The following DYRK1A variants were observed in gnomAD, a reference collection of about 807,000 sequenced individuals.
DYRK1A encodes dual specificity tyrosine-phosphorylation-regulated kinase 1A.
In DYRK1A, 9 loss-of-function variants were observed where a neutral mutation model predicts 79.7. The ratio of observed to expected loss-of-function variants is 0.11; its 90% CI spans 0.07 to 0.20. The LOEUF (loss-of-function observed/expected upper bound fraction) is 0.20, where lower values mean the gene tolerates loss of function less well. Ranked by LOEUF, DYRK1A falls within the 10% of genes least tolerant of loss-of-function variation. The pLI, the probability that DYRK1A is intolerant of heterozygous loss-of-function variation, is 1.00. For synonymous variants in DYRK1A, 349 were observed against 329.7 expected (o/e 1.06, Z -0.63); for missense variants, 622 against 956.0 (o/e 0.65, Z 4.61).
intron 2 of DYRK1A, among the ~76,000 whole-genome samples, chr21:37,439,920 A>ATT (rs1458831214): frequency 6.6e-6 from 1 of 152,004 alleles, no homozygotes; most frequent in African/African-American, 2.4e-5. Context: ...TGTTAAACTG[A>ATT]TAATAGTGTT....
At chr21:37,410,126 C>CT (rs2050216617) in intron 1 of DYRK1A, among the ~76,000 whole-genome samples, 1 of 152,138 alleles carries the variant, frequency 6.6e-6, no homozygotes, top group Non-Finnish European at 1.5e-5. Flanking sequence ...CTTAAATAGA[C>CT]TGTGTACGGC....
intron 1 of DYRK1A, chr21:37,367,906 C>T (rs1044340741): frequency 1.2e-4 from 18 of 154,644 alleles, no homozygotes; most frequent in South Asian, 9.9e-4. Flanking sequence ...AGCGCCAGAC[C>T]TTCACTGGCC....
upstream of DYRK1A, among the ~76,000 whole-genome samples, chr21:37,366,563 C>T (rs564040235): frequency 7.9e-4 from 119 of 151,388 alleles, 1 homozygote; most frequent in Middle Eastern, 6.8e-3. Flanking sequence ...CTCTGACACT[C>T]GTAGCGGACC....
At chr21:37,504,858 A>C (rs1343289822) in intron 9 of DYRK1A, 1 of 159,010 alleles carries the variant, frequency 6.3e-6, no homozygotes, top group East Asian at 1.9e-4. Context: ...GGTAGGAAAG[A>C]GGCTCCCAGC....
chr21:37,471,545 CTGAGTA>C (rs2052224531), intron 2 of DYRK1A, among the ~76,000 whole-genome samples: 1 of 152,198 alleles, frequency 6.6e-6, no homozygotes, highest in Admixed American at 6.5e-5. Context: ...CAGAGCTGTT[CTGAGTA>C]TGTTGTATGT....
At chr21:37,507,537 A>G (rs1036202209) in intron 11 of DYRK1A, among the ~76,000 whole-genome samples, 11 of 151,898 alleles carry the variant, frequency 7.2e-5, no homozygotes, top group Admixed American at 2.6e-4. Flanking sequence ...ACCTTTATTC[A>G]TGGGTCCAGT....
chr21:37,366,735 A>C (rs1481229697), upstream of DYRK1A, among the ~76,000 whole-genome samples: 1 of 151,774 alleles, frequency 6.6e-6, no homozygotes, highest in African/African-American at 2.4e-5. Context: ...TCAGCACGTC[A>C]GCCGGGGTTT....
At chr21:37,380,704 A>T (rs2049639087) in intron 1 of DYRK1A, among the ~76,000 whole-genome samples, 1 of 152,022 alleles carries the variant, frequency 6.6e-6, no homozygotes, top group South Asian at 2.1e-4. Flanking sequence ...AAGCAAATAG[A>T]TGAACAAGAA....
intron 3 of DYRK1A, among the ~76,000 whole-genome samples, chr21:37,476,122 C>T (rs2052384916): frequency 6.6e-6 from 1 of 152,150 alleles, no homozygotes; most frequent in African/African-American, 2.4e-5. Context: ...ACATCTTCAG[C>T]TACAATATTA....
rs200070302 is a variant in DYRK1A at position 37,480,621 on chromosome 21, A to G, written c.301-17A>G. On this transcript the variant is annotated splice_polypyrimidine_tract_variant and intron_variant, in intron 4 of 11. Transcript: ENST00000647188. ...TGATTTAAATTTTACAGTTAACACT[A>G]TGTATTCTCATTTCAGGTTTACTAT... 67 of 1,510,348 alleles carry G rather than the reference A, an allele frequency of 4.4e-5. 1 individual carries two copies. The highest frequency in any genetic ancestry group is 1.9e-4 in the African/African-American group (14 of 71,872). 93.6% of individuals were successfully genotyped at this position (1,510,348 alleles called of 1,614,324 possible). A position where few individuals can be genotyped will look rare whatever the true frequency, so the allele number is the denominator to read the frequency against.
intron 11 of DYRK1A, among the ~76,000 whole-genome samples, chr21:37,507,844 T>G (rs2053642266): frequency 6.6e-6 from 1 of 152,054 alleles, no homozygotes; most frequent in Non-Finnish European, 1.5e-5. Flanking sequence ...CTCATGCTAG[T>G]TGCTCCTAAG....
intron 2 of DYRK1A, among the ~76,000 whole-genome samples, chr21:37,443,607 A>G (rs2051175920): frequency 6.6e-6 from 1 of 152,098 alleles, no homozygotes; most frequent in African/African-American, 2.4e-5. Context: ...GCAGTGTTTA[A>G]TGATAATTAT....
intron 9 of DYRK1A, among the ~76,000 whole-genome samples, chr21:37,500,302 C>G (rs1231045129): frequency 6.6e-6 from 1 of 151,956 alleles, no homozygotes; most frequent in Admixed American, 6.6e-5. Flanking sequence ...AATGTTAAGC[C>G]CCACCCTGTG....
chr21:37,490,044 G>A, intron 6 of DYRK1A, 131 bp from the exon 7 acceptor site: 1 of 902,462 alleles, frequency 1.1e-6, no homozygotes, highest in Non-Finnish European at 1.6e-6. Context: ...ATTACAAAAT[G>A]CTGATCTCCA....
intron 2 of DYRK1A, among the ~76,000 whole-genome samples, chr21:37,439,787 A>C (rs1308184552): frequency 6.6e-6 from 1 of 152,082 alleles, no homozygotes; most frequent in Non-Finnish European, 1.5e-5. Flanking sequence ...TAGTTAATGA[A>C]AGTTTGTTTT....
At chr21:37,419,779 C>T (rs527421844) in intron 1 of DYRK1A, 7 of 152,130 alleles carry the variant, frequency 4.6e-5, no homozygotes, top group Non-Finnish European at 7.4e-5. Flanking sequence ...AGAGAAACCA[C>T]TTGGAGAGCA....
In DYRK1A at chr21:37,496,002, A is replaced by G. The variant is rs1048538760; in HGVS notation, c.1072-116A>G. 2.4e-5 allele frequency: 23 copies of G among 941,274 alleles called. No homozygotes were observed. The African/African-American group carries it at 3.8e-4, about 16-fold the overall frequency. The allele number at this position is 941,274 out of a possible 1,614,324, so 58.3% of individuals were successfully genotyped here. On this transcript the variant is annotated intron_variant, in intron 8 of 11. Transcript: ENST00000647188. ...GTTCATTACTGTATGCTGGATGTCT[A>G]GAGGAGTGCCAGACACACAGGAGGT... is the stretch of plus-strand genomic sequence containing the variant.
chr21:37,485,985 T>G lies in DYRK1A; in HGVS notation c.490-482T>G, dbSNP rs181520942. 3.9e-4 allele frequency among the ~76,000 whole-genome samples: 59 copies of G among 152,322 alleles called. No homozygotes were observed. The East Asian group carries it at 4.4e-3, about 11-fold the overall frequency. On this transcript the variant is annotated intron_variant, in intron 5 of 11. Transcript: ENST00000647188. ...ACTTAGGTTTTTATGTATGAAAATC[T>G]AATTGAAAGTTAGAAAGTTATCTGA...
At chr21:37,415,118 T>G (rs1288278149) in intron 1 of DYRK1A, among the ~76,000 whole-genome samples, 1 of 152,184 alleles carries the variant, frequency 6.6e-6, no homozygotes, top group Non-Finnish European at 1.5e-5. Flanking sequence ...GTCCAAATAC[T>G]CAGTGCCTGA....
Sources: allele counts gnomAD v4.1 joint callset (sites outside exome capture counted in the v4.1 genomes callset), GRCh38; gene constraint gnomAD v4.1.1; transcripts MANE v1.5; gene names NCBI Gene and HGNC (gene_info 2026-07-23, HGNC 2026-07-21).